The following B4GALT1 variants were observed in gnomAD, a reference collection of about 807,000 sequenced individuals.
B4GALT1 encodes the protein N-acetyllactosamine synthase.
A neutral mutation model predicts 34.9 loss-of-function variants in B4GALT1; 16 were observed. The observed-to-expected ratio is 0.46, with a 90% CI of 0.31 to 0.70. B4GALT1 has a LOEUF of 0.70. B4GALT1 is among the 30% of genes least tolerant of loss of function. The pLI is 0.05. For missense variants in B4GALT1, 445 were observed against 530.5 expected (o/e 0.84, Z 1.58); for synonymous variants, 221 against 218.1 (o/e 1.01, Z -0.12).
chr9:33,113,938 C>A, intron 4 of B4GALT1, 60 bp from the exon 5 acceptor site: 1 of 1,492,960 alleles, frequency 6.7e-7, no homozygotes, highest in South Asian at 1.1e-5. Flanking sequence ...GCCTGAGAGC[C>A]CCGGCTGCAA....
intron 2 of B4GALT1, among the ~76,000 whole-genome samples, chr9:33,124,319 T>C (rs17327015): frequency 0.059 from 8,929 of 152,220 alleles, 297 homozygotes; most frequent in Non-Finnish European, 0.068. Flanking sequence ...CAAGTAAACA[T>C]TGATCAAGCA....
Position 33,116,108 on chromosome 9 carries a change from G to A in B4GALT1, c.842C>T (p.Pro281Leu). 1 of 1,612,964 alleles carries A rather than the reference G, an allele frequency of 6.2e-7. No individual in the cohort carries two copies. The highest frequency in any genetic ancestry group is 8.5e-7 in the Non-Finnish European group (1 of 1,179,312). Residue 281 changes from proline (P) to leucine (L), a missense_variant, in exon 4 of 6, where the codon CCT becomes CTT. Physicochemically the swap from Pro to Leu is moderately conservative, Grantham distance 98 (BLOSUM62 -3). Transcript: ENST00000379731. Reference sequence around the variant, plus strand: ...GACACCTCCAAAATACTGAACATAAGGTAGGCTGGAGGAAAAACATACACA... The same window carrying A: ...GACACCTCCAAAATACTGAACATAAAGTAGGCTGGAGGAAAAACATACACA... ...VAMDKFGFSL[P>L]YVQYFGGVSA...
At chr9:33,142,624 C>CT (rs916793804) in intron 1 of B4GALT1, among the ~76,000 whole-genome samples, 5 of 151,778 alleles carry the variant, frequency 3.3e-5, no homozygotes, top group African/African-American at 2.4e-5. Flanking sequence ...TTTTCTTTTT[C>CT]TTTTTTTTAA....
intron 1 of B4GALT1, among the ~76,000 whole-genome samples, chr9:33,137,971 C>A (rs1214201818): frequency 6.6e-6 from 1 of 152,216 alleles, no homozygotes; most frequent in Non-Finnish European, 1.5e-5. Flanking sequence ...AGGGCCCCCA[C>A]AACATCTGCA....
chr9:33,145,479 C>G (rs1414167067), intron 1 of B4GALT1, among the ~76,000 whole-genome samples: 1 of 152,134 alleles, frequency 6.6e-6, no homozygotes, highest in Non-Finnish European at 1.5e-5. Context: ...GTATCAAGGC[C>G]TAAATCTAAG....
At chr9:33,163,309 A>T (rs1278561183) in intron 1 of B4GALT1, among the ~76,000 whole-genome samples, 4 of 152,218 alleles carry the variant, frequency 2.6e-5, no homozygotes, top group Non-Finnish European at 5.9e-5. Context: ...CCGGCTCATG[A>T]GCAAGTGCTC....
At chr9:33,108,468 T>G (rs1379268454), downstream of B4GALT1, among the ~76,000 whole-genome samples, 1 of 149,314 alleles carries the variant, frequency 6.7e-6, no homozygotes. Context: ...AAAAAAATTC[T>G]GAAAGGCATT....
chr9:33,114,483 G>A (rs1839911550), intron 4 of B4GALT1, among the ~76,000 whole-genome samples: 1 of 152,156 alleles, frequency 6.6e-6, no homozygotes, highest in Non-Finnish European at 1.5e-5. Context: ...TCCCACAAAC[G>A]GTTGCCAGTA....
rs199541947 is a variant in B4GALT1, at chr9:33,157,121, TACACAC to T, written c.412+9631_412+9636del. Among the ~76,000 whole-genome samples the T allele has an allele frequency of 7.7e-3, 873 of 113,248 alleles. 16 individuals are homozygous for T. Among genetic ancestry groups the T allele is most frequent in the African/African-American group, 0.031 (774 of 24,616 alleles). 74.3% of individuals were successfully genotyped at this position (113,248 alleles called of 152,430 possible). On this transcript the variant is annotated intron_variant, in intron 1 of 5. Coordinates refer to ENST00000379731, the MANE Select transcript of B4GALT1 (RefSeq NM_001497.4). Reference sequence around the variant, plus strand: ...ACACACGGTGTCCAGCATAGGGAACTACACACACACACACACACACACACACACACA... The same window carrying T: ...ACACACGGTGTCCAGCATAGGGAACTACACACACACACACACACACACACA...
downstream of B4GALT1, among the ~76,000 whole-genome samples, chr9:33,107,733 G>T (rs1466977683): frequency 6.6e-6 from 1 of 152,150 alleles, no homozygotes; most frequent in African/African-American, 2.4e-5. Flanking sequence ...GAGCCTAGGA[G>T]CCTGTCCTTG....
chr9:33,115,237 C>T (rs1425686657), intron 4 of B4GALT1, among the ~76,000 whole-genome samples: 2 of 152,244 alleles, frequency 1.3e-5, no homozygotes, highest in Admixed American at 6.5e-5. Context: ...CAGACACCTT[C>T]TGTTAACTGG....
At chr9:33,118,525 C>T (rs1183435304) in intron 3 of B4GALT1, among the ~76,000 whole-genome samples, 1 of 151,336 alleles carries the variant, frequency 6.6e-6, no homozygotes, top group Non-Finnish European at 1.5e-5. Flanking sequence ...TTTAAATCAG[C>T]CAGGGGTGCT....
intron 3 of B4GALT1, among the ~76,000 whole-genome samples, chr9:33,118,871 T>C (rs1839979913): frequency 6.9e-6 from 1 of 144,526 alleles, no homozygotes; most frequent in South Asian, 2.2e-4. Context: ...TTTTTTTTTT[T>C]CTTTCTCTGA....
At chr9:33,164,758 A>G (rs1037312945) in intron 1 of B4GALT1, among the ~76,000 whole-genome samples, 2 of 152,154 alleles carry the variant, frequency 1.3e-5, no homozygotes, top group Non-Finnish European at 2.9e-5. Flanking sequence ...TTAACTTGCT[A>G]ATTATTTTTT....
the B4GALT1 span, among the ~76,000 whole-genome samples, chr9:33,172,984 G>C: frequency 6.6e-6 from 1 of 152,060 alleles, no homozygotes; most frequent in African/African-American, 2.4e-5. Flanking sequence ...CAAAGCCCAG[G>C]AGAGCAAAAA....
chr9:33,151,879 C>T (rs1266150348), intron 1 of B4GALT1, among the ~76,000 whole-genome samples: 1 of 152,102 alleles, frequency 6.6e-6, no homozygotes. Flanking sequence ...CTTTTGCTGT[C>T]GAAGCCAAGT....
At chr9:33,179,582 C>T in the B4GALT1 span, 2 of 152,340 alleles carry the variant, frequency 1.3e-5, no homozygotes, top group African/African-American at 4.8e-5. Context: ...TACTGTTAGA[C>T]TTACAACTTT....
Position 33,166,932 on chromosome 9 carries a change from C to A in B4GALT1, c.238G>T (p.Gly80Ter). 1 of 1,571,130 alleles carries A rather than the reference C, an allele frequency of 6.4e-7. No homozygotes were observed. The highest frequency in any genetic ancestry group is 8.6e-7 in the Non-Finnish European group (1 of 1,165,612). The change falls in exon 1 of 6, where the codon GGA becomes TGA. Residue 80 changes from glycine (G) to a stop codon, truncating the protein, a stop_gained. Coordinates refer to ENST00000379731, the MANE Select transcript of B4GALT1 (RefSeq NM_001497.4). LOFTEE classifies it high-confidence loss of function. Reference sequence around the variant, plus strand: ...AGAGGAGGCGGCGGCCGGGCCCCTCCGGTCCGGAGCTCCCCGGAGGACTGC... The same window carrying A: ...AGAGGAGGCGGCGGCCGGGCCCCTCAGGTCCGGAGCTCCCCGGAGGACTGC... The part of the protein sequence containing the change: ...IGQSSGELRT[G>*]GARPPPPLGA...
chr9:33,121,354 ATATTTTTATTTT>A (rs1226236376), intron 2 of B4GALT1, among the ~76,000 whole-genome samples: 4 of 152,108 alleles, frequency 2.6e-5, no homozygotes, highest in Admixed American at 1.3e-4. Flanking sequence ...AAGGGAATGC[ATATTTTTATTTT>A]TATTTTTTAT....
Sources: gnomAD v4.1 joint callset for allele counts (sites outside exome capture counted in the v4.1 genomes callset) on GRCh38, gnomAD v4.1.1 for gene constraint, MANE v1.5 for transcripts, NCBI Gene and HGNC (gene_info 2026-07-23, HGNC 2026-07-21) for gene names.